Variants in WASHC3 observed in about 807,000 individuals in gnomAD.
WASHC3 encodes the protein WASH complex subunit 3.
In WASHC3, 24 loss-of-function variants were observed where a neutral mutation model predicts 26.1. That is an observed-to-expected ratio of 0.92 (90% CI 0.66 to 1.29). The LOEUF is 1.29. Among genes scored for constraint, WASHC3 ranks in the 50% most tolerant of loss-of-function variants. The pLI is 0.00. For synonymous variants in WASHC3, 77 were observed against 75.7 expected (o/e 1.02, Z -0.09); for missense variants, 214 against 229.6 (o/e 0.93, Z 0.44).
chr12:102,030,236 G>A (rs61936647), intron 5 of WASHC3, among the ~76,000 whole-genome samples: 2,016 of 150,572 alleles, frequency 0.013, 32 homozygotes, highest in Middle Eastern at 0.021. Context: ...CGGAGGTTGC[G>A]GTGAGCCAAG....
At chr12:102,056,169 A>G (rs1266232205) in intron 2 of WASHC3, among the ~76,000 whole-genome samples, 1 of 152,236 alleles carries the variant, frequency 6.6e-6, no homozygotes, top group African/African-American at 2.4e-5. Context: ...GTCTACTCTT[A>G]AATATTACTG....
chr12:102,033,137 A>G (rs1011085218), intron 5 of WASHC3, among the ~76,000 whole-genome samples: 2 of 152,100 alleles, frequency 1.3e-5, no homozygotes, highest in African/African-American at 4.8e-5. Flanking sequence ...GATAGTTAGT[A>G]CCCAGGAAGA....
At position 102,053,626 on chromosome 12, in the gene WASHC3, A is replaced by G. The variant is rs182465489; in HGVS notation, c.151-7507T>C. Among the ~76,000 whole-genome samples, 381 of 152,374 alleles carry G rather than the reference A, an allele frequency of 2.5e-3. 3 individuals are homozygous for G. Among genetic ancestry groups the G allele is most frequent in the African/African-American group, 8.9e-3 (369 of 41,594 alleles). On this transcript the variant is annotated intron_variant, in intron 2 of 6. Transcript: ENST00000240079. ...GACCCTTCTTCACAACGAATCCAAA[A>G]TTATTGTTTTAGGGAAACTCAGTGG...
At chr12:102,057,047 G>A (rs944030605) in intron 2 of WASHC3, among the ~76,000 whole-genome samples, 14 of 152,012 alleles carry the variant, frequency 9.2e-5, no homozygotes, top group South Asian at 4.1e-4. Flanking sequence ...ATACAACAGC[G>A]CATTAAAAAG....
At chr12:102,027,270 T>C (rs1300324812) in intron 5 of WASHC3, among the ~76,000 whole-genome samples, 1 of 152,138 alleles carries the variant, frequency 6.6e-6, no homozygotes, top group Non-Finnish European at 1.5e-5. Context: ...TACAAATACT[T>C]AGAAATATAC....
At chr12:102,013,327 AC>A (rs1410998934) in intron 6 of WASHC3, 135 bp from the exon 7 acceptor site, 1 of 601,852 alleles carries the variant, frequency 1.7e-6, no homozygotes, top group African/African-American at 1.9e-5. Context: ...CTCCTGCTCT[AC>A]ACCACAGCGT....
At chr12:102,050,643 G>A (rs1053923878) in intron 2 of WASHC3, 5 of 436,082 alleles carry the variant, frequency 1.1e-5, no homozygotes, top group East Asian at 7.3e-5. Context: ...ACCCCGTCTC[G>A]GGGGGAAAAG....
intron 2 of WASHC3, chr12:102,059,615 G>A (rs983902784): frequency 1.3e-5 from 2 of 152,190 alleles, no homozygotes; most frequent in Admixed American, 6.5e-5. Context: ...CTACAAAGGT[G>A]AAGGGCTATC....
chr12:102,019,381 GT>G, intron 6 of WASHC3: 1 of 388,706 alleles, frequency 2.6e-6, no homozygotes, highest in Admixed American at 3.2e-5. Context: ...CCTACAAGTT[GT>G]TTTTCATGGA....
chr12:102,025,226 G>C lies in WASHC3; in HGVS notation c.500+748C>G, dbSNP rs575526998. Among the ~76,000 whole-genome samples the C allele has an allele frequency of 4.6e-5, 7 of 152,032 alleles. No individual in the cohort carries two copies. The East Asian group carries it at 1.2e-3, about 25-fold the overall frequency. ...TTGGGGTGAACTACAGCCCCAAATT[G>C]GAAAGATTCTTTACAAGTACCTAGA... On this transcript the variant is annotated intron_variant, in intron 6 of 6. Transcript: ENST00000240079.
rs1375583216 is a variant in WASHC3, at chr12:102,046,034, A to G, written c.216+20T>C. On this transcript the variant is annotated intron_variant, in intron 3 of 6. Transcript: ENST00000240079. ...TATGCACAGCAAAGTTTATACTACA[A>G]ATTATTGAGAAATACCAACCTTTGC... 1.4e-6 allele frequency: 2 copies of G among 1,455,556 alleles called. No individual in the cohort carries two copies. The highest frequency in any genetic ancestry group is 3.6e-5 in the Admixed American group (2 of 54,910). The allele number at this position is 1,455,556 out of a possible 1,614,324, so 90.2% of individuals were successfully genotyped here.
chr12:102,053,930 C>T (rs940421108), intron 2 of WASHC3, among the ~76,000 whole-genome samples: 5 of 152,042 alleles, frequency 3.3e-5, no homozygotes, highest in Admixed American at 6.6e-5. Flanking sequence ...AAAAGATATA[C>T]GTTGCAAAAT....
chr12:102,045,077 A>G (rs1878104195), intron 3 of WASHC3, among the ~76,000 whole-genome samples: 1 of 152,262 alleles, frequency 6.6e-6, no homozygotes, highest in East Asian at 1.9e-4. Context: ...TTAAAATAAG[A>G]CACATATTCA....
In WASHC3 at chr12:102,018,751, C is replaced by T. The variant is rs868849666; in HGVS notation, c.501-5559G>A. Among the ~76,000 whole-genome samples the T allele has an allele frequency of 3.9e-4, 59 of 151,952 alleles. No homozygotes were observed. In the South Asian group the frequency reaches 0.011, roughly 29 times the overall value. On this transcript the variant is annotated intron_variant, in intron 6 of 6. Coordinates refer to ENST00000240079, the MANE Select transcript of WASHC3 (RefSeq NM_016053.4). ...TCCCAAAGTGTTGAGATTACAGGCA[C>T]GAGCCACTGCACCTGGCTCCTCATT...
In WASHC3 at chr12:102,061,349, G is replaced by T; in HGVS notation, c.52-3C>A. 1 of 1,604,054 alleles carries T rather than the reference G, an allele frequency of 6.2e-7. No individual in the cohort carries two copies. The highest frequency in any genetic ancestry group is 8.5e-7 in the Non-Finnish European group (1 of 1,171,024). On this transcript the variant is annotated splice_region_variant and splice_polypyrimidine_tract_variant and intron_variant, in intron 1 of 6. Coordinates refer to ENST00000240079, the MANE Select transcript of WASHC3 (RefSeq NM_016053.4). The stretch of plus-strand genomic sequence containing the variant: ...CTTTTCTGTTGAATAGCTGGCACCT[G>T]TGTTACGTAAAAACAAACATGGTTC...
At chr12:102,061,392 A>C in intron 1 of WASHC3, 46 bp from the exon 2 acceptor site, 1 of 1,247,114 alleles carries the variant, frequency 8.0e-7, no homozygotes, top group South Asian at 1.2e-5. Context: ...AGGAACGTAC[A>C]CAGTGCAAAT....
chr12:102,050,662 A>G, intron 2 of WASHC3: 1 of 437,184 alleles, frequency 2.3e-6, no homozygotes, highest in South Asian at 1.6e-5. Flanking sequence ...AGAAAAGAAA[A>G]AAAAATTATT....
At chr12:102,040,727 T>C (rs1328958797) in intron 4 of WASHC3, among the ~76,000 whole-genome samples, 2 of 152,092 alleles carry the variant, frequency 1.3e-5, no homozygotes, top group Non-Finnish European at 2.9e-5. Flanking sequence ...AACTTGTGCA[T>C]ATGAGAACCA....
intron 3 of WASHC3, among the ~76,000 whole-genome samples, chr12:102,044,563 TA>T (rs1441278731): frequency 6.6e-6 from 1 of 152,182 alleles, no homozygotes; most frequent in Non-Finnish European, 1.5e-5. Flanking sequence ...ATCTCACCTG[TA>T]AAGTGGAGAT....
Sources: gnomAD v4.1 joint callset for allele counts (sites outside exome capture counted in the v4.1 genomes callset) on GRCh38, gnomAD v4.1.1 for gene constraint, MANE v1.5 for transcripts, NCBI Gene and HGNC (gene_info 2026-07-23, HGNC 2026-07-21) for gene names.